Variants in FCRL1 observed in about 807,000 individuals in gnomAD.
The protein encoded by FCRL1 is Fc receptor-like protein 1.
In FCRL1, 34 loss-of-function variants were observed where a neutral mutation model predicts 49.2. That is an observed-to-expected ratio of 0.69 (90% CI 0.53 to 0.92). The LOEUF (loss-of-function observed/expected upper bound fraction) is 0.92. Ranked by LOEUF, FCRL1 falls within the 40% of genes least tolerant of loss-of-function variation. The probability of loss-of-function intolerance (pLI) is 0.00; values close to 1 mark genes in which losing one functional copy is unlikely to be tolerated. For synonymous variants in FCRL1, 218 were observed against 201.6 expected (o/e 1.08, Z -0.69); for missense variants, 524 against 524.1 (o/e 1.00, Z 0.00).
chr1:157,802,313 G>A (rs1652654931), intron 4 of FCRL1, 64 bp downstream of exon 4: 1 of 1,584,360 alleles, frequency 6.3e-7, no homozygotes, highest in African/African-American at 1.3e-5. Flanking sequence ...AACTTTGTGT[G>A]CCCCAGGGAA....
chr1:157,818,480 A>G (rs11264825), intron 1 of FCRL1, among the ~76,000 whole-genome samples: 66,817 of 151,728 alleles, frequency 0.44, 15,034 homozygotes, highest in African/African-American at 0.53. Context: ...GTGCAGAATC[A>G]TGGTTACAAG....
intron 5 of FCRL1, 68 bp from the exon 6 acceptor site, chr1:157,801,645 G>C: frequency 1.7e-6 from 2 of 1,159,892 alleles, no homozygotes; most frequent in Non-Finnish European, 2.5e-6. Flanking sequence ...CAGACATCTT[G>C]GGTGTGGGTT....
At chr1:157,796,337 G>C (rs1651471764) in intron 10 of FCRL1, among the ~76,000 whole-genome samples, 167 bp from the exon 11 acceptor site, 1 of 152,206 alleles carries the variant, frequency 6.6e-6, no homozygotes, top group South Asian at 2.1e-4. Context: ...TAGAGTGCCT[G>C]TATCCCACTG....
chr1:157,810,280 T>C (rs1365427916), intron 1 of FCRL1, among the ~76,000 whole-genome samples: 1 of 142,598 alleles, frequency 7.0e-6, no homozygotes, highest in Non-Finnish European at 1.5e-5. Flanking sequence ...AGGGCATAAG[T>C]AAATTTCTTT....
chr1:157,802,394 A>G lies in FCRL1; in HGVS notation c.590T>C (p.Val197Ala). ...NGYGPSPSGL[V>A]SITVRIPVSR... Reference sequence around the variant, plus strand: ...GAACTTACTTCTGACAGTGATGCTCACCAGCCCACTGGGGCTGGGACCATA... The same window carrying G: ...GAACTTACTTCTGACAGTGATGCTCGCCAGCCCACTGGGGCTGGGACCATA... Residue 197 changes from valine (V) to alanine (A), a missense_variant, in exon 4 of 11, where the codon GTG becomes GCG. Coordinates refer to ENST00000368176, the MANE Select transcript of FCRL1 (RefSeq NM_052938.5). 2 of 1,614,122 alleles carry G rather than the reference A, an allele frequency of 1.2e-6. No homozygotes were observed. The highest frequency in any genetic ancestry group is 1.1e-5 in the South Asian group (1 of 91,074).
At chr1:157,798,423 TG>T (rs1198503811) in intron 7 of FCRL1, among the ~76,000 whole-genome samples, 180 bp from the exon 8 acceptor site, 2 of 152,192 alleles carry the variant, frequency 1.3e-5, no homozygotes, top group East Asian at 3.9e-4. Flanking sequence ...ACATGCTGAG[TG>T]GGGCACCGCA....
At chr1:157,819,181 A>G (rs1389827865) in intron 1 of FCRL1, among the ~76,000 whole-genome samples, 3 of 152,184 alleles carry the variant, frequency 2.0e-5, no homozygotes, top group Non-Finnish European at 4.4e-5. Flanking sequence ...TGCAATAGTG[A>G]TAATGGAGCA....
rs531319274 is a variant in FCRL1 at position 157,802,198 on chromosome 1, G to A, written c.608-5C>T. On this transcript the variant is annotated splice_region_variant and splice_polypyrimidine_tract_variant and intron_variant, in intron 4 of 10. Coordinates refer to ENST00000368176, the MANE Select transcript of FCRL1 (RefSeq NM_052938.5). ...GGATTGGGCGAGACACCGGGACTGAGGGAGACAGTAGACTGTAAGAGACAG... is the reference window on the plus strand; with the variant it reads ...GGATTGGGCGAGACACCGGGACTGAAGGAGACAGTAGACTGTAAGAGACAG... The A allele has an allele frequency of 1.2e-6, 2 of 1,611,426 alleles. No homozygotes were observed. Among genetic ancestry groups the A allele is most frequent in the East Asian group, 2.2e-5 (1 of 44,852 alleles).
In FCRL1 at chr1:157,802,022, G is replaced by T. The variant is rs1403122877; in HGVS notation, c.779C>A (p.Ala260Asp). ...TTCAGTCAGGGAAAGGTTGAAGGAG[G>T]CTCCTCCTCCAGAGGGGGCCGACCT... ...GSRSAPSGGG[A>D]SFNLSLTEEH... Residue 260 changes from alanine (A) to aspartate (D), a missense_variant, in exon 5 of 11, where the codon GCC becomes GAC. Coordinates refer to ENST00000368176, the MANE Select transcript of FCRL1 (RefSeq NM_052938.5). 7 of 1,614,216 alleles carry T rather than the reference G, an allele frequency of 4.3e-6. No homozygotes were observed. Among genetic ancestry groups the T allele is most frequent in the Non-Finnish European group, 5.9e-6 (7 of 1,180,028 alleles).
rs1209526609 is a variant in FCRL1, at chr1:157,804,023, A to G, written c.141T>C (p.Asp47=). ...TGAAAAAGCAGAACTGGAACTGGGC[A>G]TCTGAACTCTGTAGAAAGGGCATCT... is the stretch of plus-strand genomic sequence containing the variant. The part of the protein sequence containing the change: ...TCKMPFLQSS[D]AQFQFCFFRD... Residue 47 remains aspartate, a synonymous_variant, in exon 3 of 11, where the codon GAT becomes GAC. Coordinates refer to ENST00000368176, the MANE Select transcript of FCRL1 (RefSeq NM_052938.5). The G allele has an allele frequency of 6.2e-7, 1 of 1,614,220 alleles. No individual in the cohort carries two copies. Among genetic ancestry groups the G allele is most frequent in the Admixed American group, 1.7e-5 (1 of 60,028 alleles).
At chr1:157,797,626 TA>T in intron 9 of FCRL1, 1 of 977,920 alleles carries the variant, frequency 1.0e-6, no homozygotes, top group South Asian at 1.5e-5. Flanking sequence ...TTGCTCTTTC[TA>T]AGTGACTATA....
chr1:157,797,877 AT>A lies in FCRL1; in HGVS notation c.1176del (p.Glu392AspfsTer3). ...SLAYYNQPEQ[E>X]SVAAETLGTH... ...CTCCCCCATGTCTCACCTGCTACTG[AT>A]TCCTGCTCCGGCTGGTTATAGTACG... On this transcript the variant is annotated frameshift_variant, in exon 9 of 11. Coordinates refer to ENST00000368176, the MANE Select transcript of FCRL1 (RefSeq NM_052938.5). LOFTEE classifies it low-confidence loss of function (END_TRUNC). 6.2e-7 allele frequency: 1 copy of A among 1,614,188 alleles called. No individual in the cohort carries two copies. The highest frequency in any genetic ancestry group is 8.5e-7 in the Non-Finnish European group (1 of 1,180,020).
In FCRL1 at chr1:157,797,197, T is replaced by C. The variant is rs1571330418; in HGVS notation, c.1187-65A>G. 7.5e-6 allele frequency: 11 copies of C among 1,468,630 alleles called. 1 individual carries two copies. The East Asian group carries it at 2.0e-4, about 27-fold the overall frequency. The allele number at this position is 1,468,630 out of a possible 1,614,324, so 91.0% of individuals were successfully genotyped here. A position where few individuals can be genotyped will look rare whatever the true frequency, so the allele number is the denominator to read the frequency against. On this transcript the variant is annotated intron_variant, in intron 9 of 10. Transcript: ENST00000368176. The stretch of plus-strand genomic sequence containing the variant: ...TTTAAAGTCCTTCACTAAACTTGTG[T>C]TAAGAAAAGCTTCTTCCTCTCCCAT...
intron 1 of FCRL1, among the ~76,000 whole-genome samples, chr1:157,813,726 C>G (rs937585880): frequency 2.0e-5 from 3 of 152,082 alleles, no homozygotes; most frequent in African/African-American, 7.2e-5. Context: ...TATGAACAAC[C>G]AAATCCATGA....
In FCRL1 at chr1:157,807,099, C is replaced by T. The variant is rs183077956; in HGVS notation, c.52+3G>A. 356 of 1,613,870 alleles carry T rather than the reference C, an allele frequency of 2.2e-4. 1 individual carries two copies. The highest frequency in any genetic ancestry group is 4.9e-4 in the Middle Eastern group (3 of 6,062). ...TTGAAGAAGAAAAGGAAGTGCAACT[C>T]ACCGGCAGGTTCACAGAGTGGAGCT... On this transcript the variant is annotated splice_donor_region_variant and intron_variant, in intron 2 of 10. Transcript: ENST00000368176.
Position 157,797,085 on chromosome 1 carries a change from C to G in FCRL1, c.1218+16G>C. The G allele has an allele frequency of 6.2e-7, 1 of 1,613,164 alleles. No individual in the cohort carries two copies. Among genetic ancestry groups the G allele is most frequent in the Non-Finnish European group, 8.5e-7 (1 of 1,179,248 alleles). Reference sequence around the variant, plus strand: ...GAAAGAAAGAACATGGAAGAAAGAACAATAGAGACTCTTACCTTGTCCTCC... The same window carrying G: ...GAAAGAAAGAACATGGAAGAAAGAAGAATAGAGACTCTTACCTTGTCCTCC... On this transcript the variant is annotated intron_variant, in intron 10 of 10. Coordinates refer to ENST00000368176, the MANE Select transcript of FCRL1 (RefSeq NM_052938.5).
chr1:157,815,932 A>G (rs1317594807), intron 1 of FCRL1, among the ~76,000 whole-genome samples: 2 of 151,910 alleles, frequency 1.3e-5, no homozygotes, highest in Admixed American at 6.6e-5. Flanking sequence ...ACAGACCAAT[A>G]ACAACTAAGG....
At chr1:157,796,625 T>TAAGA (rs1387496842) in intron 10 of FCRL1, among the ~76,000 whole-genome samples, 5 of 152,256 alleles carry the variant, frequency 3.3e-5, no homozygotes, top group Non-Finnish European at 7.3e-5. Context: ...TCTGCAGTTT[T>TAAGA]AAGAAAGTAT....
In FCRL1 at chr1:157,797,954, G is replaced by C. The variant is rs777642493; in HGVS notation, c.1115-15C>G. 1 of 1,613,520 alleles carries C rather than the reference G, an allele frequency of 6.2e-7. No homozygotes were observed. The highest frequency in any genetic ancestry group is 8.5e-7 in the Non-Finnish European group (1 of 1,179,448). ...TACAACATTCACTGCAAGAGAAGGA[G>C]GGAGACTTCATGACACAGCCCCTGA... is the stretch of plus-strand genomic sequence containing the variant. On this transcript the variant is annotated splice_polypyrimidine_tract_variant and intron_variant, in intron 8 of 10. Transcript: ENST00000368176.
Sources: gnomAD v4.1 joint callset for allele counts (sites outside exome capture counted in the v4.1 genomes callset) on GRCh38, gnomAD v4.1.1 for gene constraint, MANE v1.5 for transcripts, NCBI Gene and HGNC (gene_info 2026-07-23, HGNC 2026-07-21) for gene names.